The following ENTREP2 variants were observed in gnomAD, a reference collection of about 807,000 sequenced individuals.
ENTREP2 encodes the protein endosomal transmembrane epsin interactor 2.
the ENTREP2 span, among the ~76,000 whole-genome samples, chr15:29,464,488 C>T: frequency 4.3e-4 from 65 of 152,300 alleles, no homozygotes; most frequent in Non-Finnish European, 7.6e-4. Context: ...GGAAGCTACA[C>T]ACCAATAAGC....
the ENTREP2 span, among the ~76,000 whole-genome samples, chr15:29,271,345 A>G: frequency 6.6e-6 from 1 of 152,220 alleles, no homozygotes; most frequent in East Asian, 1.9e-4. Context: ...GAATTCTGCA[A>G]AAGGTCCCTA....
chr15:29,348,453 T>C, the ENTREP2 span, among the ~76,000 whole-genome samples: 1 of 152,074 alleles, frequency 6.6e-6, no homozygotes, highest in Non-Finnish European at 1.5e-5. Context: ...GGGAGCAGTG[T>C]GGAGGCGTGT....
the ENTREP2 span, among the ~76,000 whole-genome samples, chr15:29,315,511 C>T: frequency 3.9e-5 from 6 of 152,126 alleles, no homozygotes; most frequent in African/African-American, 1.4e-4. Flanking sequence ...GATGGGATGG[C>T]CATATGGAAA....
chr15:29,603,342 A>G, the ENTREP2 span, among the ~76,000 whole-genome samples: 4 of 152,220 alleles, frequency 2.6e-5, no homozygotes, highest in African/African-American at 9.6e-5. Flanking sequence ...ACGAATTCTC[A>G]GGCCCACTGT....
the ENTREP2 span, among the ~76,000 whole-genome samples, chr15:29,603,741 C>T: frequency 2.6e-5 from 4 of 152,080 alleles, no homozygotes; most frequent in South Asian, 2.1e-4. Context: ...CGGGTTCAAG[C>T]GATTCTCCTG....
the ENTREP2 span, among the ~76,000 whole-genome samples, chr15:29,223,352 C>T: frequency 3.1e-3 from 467 of 152,250 alleles, 3 homozygotes; most frequent in Non-Finnish European, 4.7e-3. Context: ...TGGCTCCCGG[C>T]AGCCTCTGGG....
At chr15:29,327,164 T>C in the ENTREP2 span, among the ~76,000 whole-genome samples, 5 of 152,140 alleles carry the variant, frequency 3.3e-5, no homozygotes, top group Non-Finnish European at 7.4e-5. Flanking sequence ...TCAAAGACAC[T>C]GTTAAGAGAA....
chr15:29,371,031 A>T, the ENTREP2 span, among the ~76,000 whole-genome samples: 2 of 151,728 alleles, frequency 1.3e-5, no homozygotes, highest in Non-Finnish European at 2.9e-5. Context: ...TGTCGTTGTC[A>T]TCATCATCAT....
chr15:29,312,135 T>G, the ENTREP2 span, among the ~76,000 whole-genome samples: 1 of 152,190 alleles, frequency 6.6e-6, no homozygotes, highest in Non-Finnish European at 1.5e-5. Flanking sequence ...AAACTAACTT[T>G]TCCTGCTACA....
the ENTREP2 span, among the ~76,000 whole-genome samples, chr15:29,560,816 C>T: frequency 1.3e-5 from 2 of 151,656 alleles, no homozygotes; most frequent in Admixed American, 1.3e-4. Context: ...TGTCTTTATT[C>T]CACACACTGT....
chr15:29,521,021 G>A, the ENTREP2 span, among the ~76,000 whole-genome samples: 1 of 152,170 alleles, frequency 6.6e-6, no homozygotes, highest in East Asian at 1.9e-4. Flanking sequence ...TTTCAACCAC[G>A]GGTGATTTTG....
the ENTREP2 span, among the ~76,000 whole-genome samples, chr15:29,642,904 G>A: frequency 3.9e-5 from 6 of 152,118 alleles, no homozygotes; most frequent in South Asian, 6.2e-4. Context: ...GAGCCATCGC[G>A]CCTGGCCAAT....
the ENTREP2 span, among the ~76,000 whole-genome samples, chr15:29,507,211 C>G: frequency 6.6e-6 from 1 of 152,262 alleles, no homozygotes; most frequent in East Asian, 1.9e-4. Context: ...AGCTAACTAT[C>G]CTAAATATAG....
the ENTREP2 span, among the ~76,000 whole-genome samples, chr15:29,130,285 G>T: frequency 6.6e-6 from 1 of 152,184 alleles, no homozygotes; most frequent in Non-Finnish European, 1.5e-5. Context: ...CATTCTGCTG[G>T]GAGGGAATCG....
the ENTREP2 span, among the ~76,000 whole-genome samples, chr15:29,563,260 T>C: frequency 2.0e-4 from 30 of 152,338 alleles, no homozygotes; most frequent in African/African-American, 7.0e-4. Context: ...TTGCTTTGTT[T>C]TTCTGTCCCT....
the ENTREP2 span, among the ~76,000 whole-genome samples, chr15:29,522,701 C>T: frequency 6.6e-6 from 1 of 152,146 alleles, no homozygotes; most frequent in Non-Finnish European, 1.5e-5. Flanking sequence ...GGCTGGAGCT[C>T]CTTCAAATTC....
chr15:29,431,966 A>C, the ENTREP2 span, among the ~76,000 whole-genome samples: 1 of 152,214 alleles, frequency 6.6e-6, no homozygotes, highest in South Asian at 2.1e-4. Flanking sequence ...CAATGTGAAC[A>C]GGCTATTTTG....
At chr15:29,357,979 A>C in the ENTREP2 span, among the ~76,000 whole-genome samples, 6 of 152,222 alleles carry the variant, frequency 3.9e-5, no homozygotes, top group South Asian at 1.2e-3. Context: ...AGAATGCGGA[A>C]CACTTGGGGC....
the ENTREP2 span, among the ~76,000 whole-genome samples, chr15:29,489,444 T>C: frequency 0.034 from 5,164 of 152,210 alleles, 278 homozygotes; most frequent in African/African-American, 0.12. Context: ...GTGATCTTTA[T>C]CAACAGTCAG....
Sources: allele counts gnomAD v4.1 joint callset (sites outside exome capture counted in the v4.1 genomes callset), GRCh38; gene constraint gnomAD v4.1.1; transcripts MANE v1.5; gene names NCBI Gene and HGNC (gene_info 2026-07-23, HGNC 2026-07-21).